ARHGAP26: variants seen among roughly 807,000 people sequenced by gnomAD.
ARHGAP26 encodes Rho GTPase activating protein 26, also known as rho GTPase-activating protein 26.
ARHGAP26 carries 38 observed loss-of-function variants against 104.8 expected under a neutral mutation model. That is an observed-to-expected ratio of 0.36 (90% CI 0.28 to 0.48). ARHGAP26 has a LOEUF of 0.48. Ranked by LOEUF, ARHGAP26 falls within the 20% of genes least tolerant of loss-of-function variation. ARHGAP26 has a pLI of 0.99. For synonymous variants in ARHGAP26, 341 were observed against 340.0 expected (o/e 1.00, Z -0.03); for missense variants, 704 against 947.9 (o/e 0.74, Z 3.38).
At chr5:142,941,175 G>A (rs1215174841) in intron 11 of ARHGAP26, among the ~76,000 whole-genome samples, 1 of 150,796 alleles carries the variant, frequency 6.6e-6, no homozygotes, top group Non-Finnish European at 1.5e-5. Context: ...AGTTCTTTGA[G>A]GAATCGCATT....
Position 143,089,572 on chromosome 5 carries a change from A to G in ARHGAP26, c.1539-31416A>G, listed in dbSNP as rs553294244. 3.9e-5 allele frequency among the ~76,000 whole-genome samples: 6 copies of G among 152,294 alleles called. No individual in the cohort carries two copies. The South Asian group carries it at 8.3e-4, about 21-fold the overall frequency. On this transcript the variant is annotated intron_variant, in intron 17 of 22. Transcript: ENST00000645722. ...ACAAACTCTTCCTCTTTTTGCTACT[A>G]TCATGTCTAAGGCTATCCTGTTTTC...
chr5:142,961,504 G>A (rs1372403589), intron 11 of ARHGAP26, among the ~76,000 whole-genome samples: 1 of 152,058 alleles, frequency 6.6e-6, no homozygotes, highest in African/African-American at 2.4e-5. Flanking sequence ...AAAAACAAAA[G>A]GGGGGTCCAG....
intron 11 of ARHGAP26, among the ~76,000 whole-genome samples, chr5:142,957,911 A>T (rs1374611589): frequency 6.6e-6 from 1 of 152,228 alleles, no homozygotes; most frequent in Non-Finnish European, 1.5e-5. Context: ...CTGCAAACGT[A>T]CTTGAACTGG....
chr5:143,135,841 A>G (rs1319646284), intron 19 of ARHGAP26, among the ~76,000 whole-genome samples: 1 of 152,178 alleles, frequency 6.6e-6, no homozygotes, highest in African/African-American at 2.4e-5. Flanking sequence ...CTTTCCTTCT[A>G]ACAGTAGCCT....
At chr5:143,058,113 T>C (rs1184294883) in intron 17 of ARHGAP26, 6 of 462,842 alleles carry the variant, frequency 1.3e-5, no homozygotes, top group Admixed American at 3.3e-5. Flanking sequence ...AAAAATATGT[T>C]GTGGGTTTAC....
chr5:142,829,834 G>A (rs960117108), intron 1 of ARHGAP26, among the ~76,000 whole-genome samples: 1 of 152,186 alleles, frequency 6.6e-6, no homozygotes, highest in Non-Finnish European at 1.5e-5. Flanking sequence ...ATGACACTGA[G>A]GATGGTGTCA....
chr5:143,025,138 G>A (rs1002867394), intron 12 of ARHGAP26, among the ~76,000 whole-genome samples: 5 of 152,194 alleles, frequency 3.3e-5, no homozygotes, highest in South Asian at 2.1e-4. Context: ...ATATAAAAAC[G>A]TGGCACTGTA....
intron 11 of ARHGAP26, among the ~76,000 whole-genome samples, chr5:142,948,104 G>C (rs1235637708): frequency 6.6e-6 from 1 of 152,096 alleles, no homozygotes; most frequent in Non-Finnish European, 1.5e-5. Flanking sequence ...CTTTTCAGAC[G>C]CGGGCTTTGA....
At chr5:143,161,004 A>ATT (rs11361288) in intron 20 of ARHGAP26, among the ~76,000 whole-genome samples, 68 of 93,522 alleles carry the variant, frequency 7.3e-4, no homozygotes, top group East Asian at 1.8e-3. Context: ...GCTATTTCAG[A>ATT]TTTTTTTTTT....
chr5:143,111,910 C>G (rs894651531), intron 17 of ARHGAP26, among the ~76,000 whole-genome samples: 1 of 152,212 alleles, frequency 6.6e-6, no homozygotes, highest in African/African-American at 2.4e-5. Flanking sequence ...GGCTCTAAGA[C>G]AGCAGTAGGT....
At chr5:143,025,359 A>C (rs553328366) in intron 12 of ARHGAP26, among the ~76,000 whole-genome samples, 1 of 152,238 alleles carries the variant, frequency 6.6e-6, no homozygotes, top group African/African-American at 2.4e-5. Context: ...GTGACCAACA[A>C]ATTGTTCTTA....
chr5:143,067,089 T>A (rs1787611473), intron 17 of ARHGAP26, among the ~76,000 whole-genome samples: 1 of 152,036 alleles, frequency 6.6e-6, no homozygotes, highest in Non-Finnish European at 1.5e-5. Context: ...TCATCTCCGA[T>A]GCAGCTGTCT....
intron 6 of ARHGAP26, among the ~76,000 whole-genome samples, chr5:142,900,956 A>G (rs1760247970): frequency 6.6e-6 from 1 of 152,272 alleles, no homozygotes; most frequent in Admixed American, 6.5e-5. Context: ...GATAGAGGTG[A>G]GGCACTGGTC....
At position 142,985,377 on chromosome 5, in the gene ARHGAP26, G is replaced by A. The variant is rs117308761; in HGVS notation, c.1108-28703G>A. On this transcript the variant is annotated intron_variant, in intron 11 of 22. Coordinates refer to ENST00000645722, the MANE Select transcript of ARHGAP26 (RefSeq NM_001135608.3). ...AGCCTAAGTGTACAGTGTTTATAAA[G>A]TCTACAGTATTGTGCAGTAATATCT... Among the ~76,000 whole-genome samples the A allele has an allele frequency of 3.3e-3, 500 of 152,256 alleles. 16 individuals are homozygous for A. The East Asian group carries it at 0.054, about 16-fold the overall frequency.
intron 10 of ARHGAP26, among the ~76,000 whole-genome samples, chr5:142,920,857 T>C (rs1461892181): frequency 1.3e-5 from 2 of 152,294 alleles, no homozygotes; most frequent in South Asian, 2.1e-4. Context: ...GCCAGAATAC[T>C]GGGGGGAAAG....
intron 2 of ARHGAP26, 156 bp from the exon 3 acceptor site, chr5:142,874,954 A>G: frequency 3.2e-6 from 2 of 628,268 alleles, no homozygotes; most frequent in East Asian, 2.8e-5. Flanking sequence ...TTAATGGTTA[A>G]TGATTAAAAA....
chr5:143,019,850 G>T (rs190758917), intron 12 of ARHGAP26, among the ~76,000 whole-genome samples: 29 of 152,334 alleles, frequency 1.9e-4, no homozygotes, highest in Admixed American at 1.8e-3. Flanking sequence ...GATTGAGGCA[G>T]AGAGGGCTCA....
chr5:143,015,955 A>G (rs1001601347), intron 12 of ARHGAP26, among the ~76,000 whole-genome samples: 4 of 152,230 alleles, frequency 2.6e-5, no homozygotes, highest in South Asian at 2.1e-4. Flanking sequence ...TAACTCCCCA[A>G]TGGCTTATCC....
intron 11 of ARHGAP26, among the ~76,000 whole-genome samples, chr5:142,978,707 T>C (rs984789035): frequency 1.3e-5 from 2 of 152,046 alleles, no homozygotes; most frequent in Non-Finnish European, 2.9e-5. Context: ...ATGTTATTAT[T>C]ATCTTAATCC....
Sources: allele counts gnomAD v4.1 joint callset (sites outside exome capture counted in the v4.1 genomes callset), GRCh38; gene constraint gnomAD v4.1.1; transcripts MANE v1.5; gene names NCBI Gene and HGNC (gene_info 2026-07-23, HGNC 2026-07-21).